The following ASPM variants were observed in gnomAD, a reference collection of about 807,000 sequenced individuals.
ASPM encodes abnormal spindle-like microcephaly-associated protein.
ASPM carries 256 observed loss-of-function variants against 366.4 expected under a neutral mutation model. That is an observed-to-expected ratio of 0.70 (90% confidence interval 0.63 to 0.77). The LOEUF (loss-of-function observed/expected upper bound fraction) is 0.77, where lower values mean the gene tolerates loss of function less well. ASPM is among the 30% of genes least tolerant of loss of function. ASPM has a pLI of 0.00. For synonymous variants in ASPM, 1,414 were observed against 1,342.9 expected (o/e 1.05, Z -1.16); for missense variants, 4,146 against 4,090.4 (o/e 1.01, Z -0.37).
chr1:197,091,096 A>T (rs1000980531), intron 22 of ASPM, 55 bp from the exon 23 acceptor site: 8 of 1,268,890 alleles, frequency 6.3e-6, no homozygotes, highest in African/African-American at 6.0e-5. Flanking sequence ...TTTTTAAAAA[A>T]ATATACAAAT....
intron 9 of ASPM, 114 bp downstream of exon 9, chr1:197,129,073 G>A: frequency 8.3e-7 from 1 of 1,205,000 alleles, no homozygotes; most frequent in Non-Finnish European, 1.2e-6. Context: ...TTACTCCTCT[G>A]AGTATTATTC....
At chr1:197,116,441 C>G (rs1182750344) in intron 17 of ASPM, among the ~76,000 whole-genome samples, 1 of 152,122 alleles carries the variant, frequency 6.6e-6, no homozygotes, top group Non-Finnish European at 1.5e-5. Context: ...GACACAAACA[C>G]AAAGTGAGCA....
At chr1:197,135,494 T>C (rs1388095524) in intron 4 of ASPM, among the ~76,000 whole-genome samples, 1 of 152,338 alleles carries the variant, frequency 6.6e-6, no homozygotes, top group East Asian at 1.9e-4. Flanking sequence ...TAAAGTCTGA[T>C]AGAATATCTT....
intron 27 of ASPM, among the ~76,000 whole-genome samples, chr1:197,085,545 TACAATGGAA>T (rs1220799535): frequency 6.6e-6 from 1 of 152,160 alleles, no homozygotes; most frequent in Non-Finnish European, 1.5e-5. Context: ...GGTACGACCA[TACAATGGAA>T]TAGTACTAAG....
chr1:197,096,148 T>C lies in ASPM; in HGVS notation c.8837A>G (p.Tyr2946Cys), dbSNP rs771380720. ...TTTACATAAATATTTCTTGGCTCTA[T>C]ATCTCCTCCACATAGCCTATTAAAT... The part of the protein sequence containing the change: ...TIKIQAMWRR[Y>C]RAKKYLCKVK... The change falls in exon 19 of 28, where the codon TAT becomes TGT. Residue 2946 changes from tyrosine to cysteine, a missense_variant. Physicochemically the swap from Tyr to Cys is radical, Grantham distance 194. Around this residue, in one of 3 missense-constraint regions of ASPM, gnomAD observed 3,624 missense variants for 3,591.7 expected, o/e 1.01. Coordinates refer to ENST00000367409, the MANE Select transcript of ASPM (RefSeq NM_018136.5). 1.9e-6 allele frequency: 3 copies of C among 1,605,842 alleles called. No homozygotes were observed. Among genetic ancestry groups the C allele is most frequent in the African/African-American group, 1.3e-5 (1 of 74,738 alleles).
chr1:197,092,973 A>G (rs1455881548), intron 21 of ASPM, 79 bp downstream of exon 21: 3 of 1,260,260 alleles, frequency 2.4e-6, no homozygotes, highest in Non-Finnish European at 3.4e-6. Flanking sequence ...ATTCTCTAAA[A>G]TCCAAAGTTT....
At chr1:197,128,092 G>A (rs1234654482) in intron 10 of ASPM, among the ~76,000 whole-genome samples, 1 of 151,890 alleles carries the variant, frequency 6.6e-6, no homozygotes, top group Non-Finnish European at 1.5e-5. Flanking sequence ...GTGAACCCAG[G>A]AGGTAGGCTT....
rs754453682 is a variant in ASPM, at chr1:197,102,246, G to A, written c.7005C>T (p.His2335=). The change falls in exon 18 of 28, where the codon CAC becomes CAT. Residue 2335 remains histidine (H), a synonymous_variant. Coordinates refer to ENST00000367409, the MANE Select transcript of ASPM (RefSeq NM_018136.5). ...WMIRKRMREM[H]RAATFIQSTF... ...TAGACTGGATGAAAGTAGCAGCCCTGTGCATCTCTCGCATCCTTTTCCTTA... is the reference window on the plus strand; with the variant it reads ...TAGACTGGATGAAAGTAGCAGCCCTATGCATCTCTCGCATCCTTTTCCTTA... 6.9e-5 allele frequency: 112 copies of A among 1,612,802 alleles called. No individual in the cohort carries two copies. Among genetic ancestry groups the A allele is most frequent in the South Asian group, 2.4e-4 (22 of 91,058 alleles).
At chr1:197,130,976 A>G (rs1052139892) in intron 7 of ASPM, among the ~76,000 whole-genome samples, 4 of 152,222 alleles carry the variant, frequency 2.6e-5, no homozygotes, top group African/African-American at 4.8e-5. Flanking sequence ...TTTGCCACAA[A>G]AAAGCTATGT....
chr1:197,124,938 T>C lies in ASPM; in HGVS notation c.3100A>G (p.Lys1034Glu), dbSNP rs797045312. The part of the protein sequence containing the change: ...SDEHGNTILS[K>E]DIVDRHREKT... ...TCTCTGTGCCTATCCACAATATCCTTAGATAGAATTGTATTTCCTATAAAA... is the reference window on the plus strand; with the variant it reads ...TCTCTGTGCCTATCCACAATATCCTCAGATAGAATTGTATTTCCTATAAAA... The change falls in exon 12 of 28, where the codon AAG (lysine) becomes GAG (glutamate). Residue 1034 changes from lysine (K) to glutamate (E), a missense_variant. Physicochemically the swap from Lys to Glu is moderately conservative, Grantham distance 56. This residue lies in a region of ASPM where 3,624 missense variants were observed against 3,591.7 expected (regional missense o/e 1.01). Transcript: ENST00000367409. 2 of 1,611,814 alleles carry C rather than the reference T, an allele frequency of 1.2e-6. No individual in the cohort carries two copies. Among genetic ancestry groups the C allele is most frequent in the Non-Finnish European group, 8.5e-7 (1 of 1,177,964 alleles).
intron 19 of ASPM, among the ~76,000 whole-genome samples, chr1:197,094,587 G>T (rs749654877): frequency 2.0e-5 from 3 of 151,694 alleles, no homozygotes; most frequent in Non-Finnish European, 4.4e-5. Context: ...GTTAAGAAGA[G>T]AATGTGATTA....
chr1:197,101,662 T>C lies in ASPM; in HGVS notation c.7589A>G (p.Gln2530Arg), dbSNP rs1235336108. 22 of 1,612,034 alleles carry C rather than the reference T, an allele frequency of 1.4e-5. No individual in the cohort carries two copies. The highest frequency in any genetic ancestry group is 1.6e-5 in the Non-Finnish European group (19 of 1,179,088). The change falls in exon 18 of 28, where the codon CAA (glutamine) becomes CGA (arginine). Residue 2530 changes from glutamine (Q) to arginine (R), a missense_variant. Physicochemically the swap from Gln to Arg is conservative, Grantham distance 43. This residue lies in a region of ASPM where 3,624 missense variants were observed against 3,591.7 expected (regional missense o/e 1.01). Transcript: ENST00000367409. The stretch of plus-strand genomic sequence containing the variant: ...CTGAATAACCACAGCAGAATGCCAT[T>C]GTCTGATATAATTTTCTCTTTGTAA... ...AKLQRENYIR[Q>R]WHSAVVIQAA...
At chr1:197,085,416 A>G (rs1028789585) in intron 27 of ASPM, among the ~76,000 whole-genome samples, 1 of 152,132 alleles carries the variant, frequency 6.6e-6, no homozygotes, top group Non-Finnish European at 1.5e-5. Context: ...AGAAAATAGT[A>G]TCAAACCGAG....
intron 18 of ASPM, among the ~76,000 whole-genome samples, chr1:197,099,616 T>A (rs962549179): frequency 7.3e-5 from 11 of 151,712 alleles, no homozygotes; most frequent in African/African-American, 2.7e-4. Flanking sequence ...TTCAATTAAG[T>A]TCCTTGAGGA....
chr1:197,130,182 T>G (rs1658216961), intron 7 of ASPM, 126 bp from the exon 8 acceptor site: 3 of 1,001,688 alleles, frequency 3.0e-6, no homozygotes, highest in African/African-American at 1.6e-5. Context: ...GACATGGTTA[T>G]TTGCTAAATA....
intron 6 of ASPM, among the ~76,000 whole-genome samples, chr1:197,132,885 A>C (rs1216307275): frequency 1.3e-5 from 2 of 152,116 alleles, no homozygotes; most frequent in Non-Finnish European, 2.9e-5. Context: ...ATAGAAAAAC[A>C]AATACTGTAT....
intron 24 of ASPM, 28 bp from the exon 25 acceptor site, chr1:197,090,112 C>A (rs369653271): frequency 1.2e-6 from 2 of 1,612,714 alleles, no homozygotes; most frequent in Admixed American, 3.3e-5. Flanking sequence ...CACACACACA[C>A]AGGTAAATTT....
At chr1:197,128,364 A>AT in intron 10 of ASPM, 126 bp downstream of exon 10, 3 of 995,968 alleles carry the variant, frequency 3.0e-6, no homozygotes, top group South Asian at 1.5e-5. Context: ...AAAAACCTCA[A>AT]TTTTTTTCAG....
intron 16 of ASPM, among the ~76,000 whole-genome samples, chr1:197,120,060 G>A (rs1035146482): frequency 1.3e-5 from 2 of 152,070 alleles, no homozygotes; most frequent in African/African-American, 4.8e-5. Context: ...AGAAAAAGGA[G>A]AGAAACAGTG....
Sources: allele counts gnomAD v4.1 joint callset (sites outside exome capture counted in the v4.1 genomes callset), GRCh38; gene constraint gnomAD v4.1.1; regional missense constraint gnomAD v4.1.1; transcripts MANE v1.5; gene names NCBI Gene and HGNC (gene_info 2026-07-23, HGNC 2026-07-21).